The following COL24A1 variants were observed in gnomAD, a reference collection of about 807,000 sequenced individuals.
COL24A1 encodes the protein collagen type XXIV alpha 1 chain.
COL24A1 carries 224 observed loss-of-function variants against 253.9 expected under a neutral mutation model. The observed-to-expected ratio is 0.88, with a 90% CI of 0.79 to 0.99. COL24A1 has a LOEUF of 0.99. Ranked by LOEUF, COL24A1 falls within the 50% of genes least tolerant of loss-of-function variation. The pLI is 0.00. For synonymous variants in COL24A1, 685 were observed against 673.7 expected (o/e 1.02, Z -0.26); for missense variants, 2,131 against 2,068.5 (o/e 1.03, Z -0.59).
chr1:86,057,799 G>T, intron 10 of COL24A1, 132 bp downstream of exon 10: 2 of 688,670 alleles, frequency 2.9e-6, no homozygotes, highest in Non-Finnish European at 4.7e-6. Flanking sequence ...ACTGCAGTAA[G>T]CAAGTATATT....
intron 55 of COL24A1, among the ~76,000 whole-genome samples, chr1:85,754,558 A>G (rs957952292): frequency 2.7e-5 from 4 of 149,884 alleles, no homozygotes; most frequent in African/African-American, 9.8e-5. Context: ...ATTAAAAAAA[A>G]AAAAAAAGAA....
At chr1:86,142,548 C>CAAAAAAAAAAAAAAA (rs1232309975) in intron 2 of COL24A1, among the ~76,000 whole-genome samples, 1 of 145,056 alleles carries the variant, frequency 6.9e-6, no homozygotes, top group Non-Finnish European at 1.5e-5. Flanking sequence ...AAACAAAAAA[C>CAAAAAAAAAAAAAAA]AAAAAAAACA....
intron 12 of COL24A1, 98 bp from the exon 13 acceptor site, chr1:86,034,021 C>T (rs1391299033): frequency 3.0e-5 from 27 of 903,534 alleles, no homozygotes; most frequent in Non-Finnish European, 4.4e-5. Flanking sequence ...TATTAATTTC[C>T]TAACTCTTAA....
chr1:86,086,918 G>T (rs1387938849), intron 7 of COL24A1, among the ~76,000 whole-genome samples: 1 of 152,118 alleles, frequency 6.6e-6, no homozygotes, highest in African/African-American at 2.4e-5. Flanking sequence ...GAGACACTCT[G>T]AAAAGGGGGA....
intron 53 of COL24A1, among the ~76,000 whole-genome samples, chr1:85,765,446 T>G (rs760180266): frequency 5.5e-4 from 83 of 151,898 alleles, no homozygotes; most frequent in Non-Finnish European, 9.1e-4. Context: ...GACTCATGCC[T>G]GTAATTCTGG....
chr1:85,894,031 C>T (rs571956156), intron 31 of COL24A1, among the ~76,000 whole-genome samples: 244 of 152,302 alleles, frequency 1.6e-3, no homozygotes, highest in African/African-American at 5.1e-3. Flanking sequence ...TTCTAATATA[C>T]AGCACTGCCT....
chr1:86,105,942 C>T (rs1385578772), intron 5 of COL24A1, among the ~76,000 whole-genome samples: 2 of 152,198 alleles, frequency 1.3e-5, no homozygotes, highest in African/African-American at 4.8e-5. Flanking sequence ...GCTTCTGTGT[C>T]TTCCCTCTGT....
intron 43 of COL24A1, among the ~76,000 whole-genome samples, chr1:85,826,397 T>A (rs1275095248): frequency 7.3e-6 from 1 of 137,776 alleles, no homozygotes; most frequent in Non-Finnish European, 1.6e-5. Flanking sequence ...AGGATTGACT[T>A]GGCGATGCGG....
intron 23 of COL24A1, among the ~76,000 whole-genome samples, chr1:85,964,113 TAC>T (rs538627559): frequency 1.3e-5 from 2 of 152,252 alleles, no homozygotes; most frequent in South Asian, 4.1e-4. Flanking sequence ...ATAAAAATGA[TAC>T]ATTTAATACA....
intron 11 of COL24A1, among the ~76,000 whole-genome samples, chr1:86,047,281 C>A (rs1432392721): frequency 6.6e-6 from 1 of 152,180 alleles, no homozygotes; most frequent in African/African-American, 2.4e-5. Context: ...AACCTGTGCA[C>A]TGGCAATCTT....
rs1415492298 is a variant in COL24A1, at chr1:85,971,209, A to T, written c.2418+131T>A. The T allele has an allele frequency of 6.9e-6, 5 of 729,328 alleles. No individual in the cohort carries two copies. In the Admixed American group the frequency reaches 1.1e-4, roughly 16 times the overall value. The allele number at this position is 729,328 out of a possible 1,614,324, so 45.2% of individuals were successfully genotyped here. The stretch of plus-strand genomic sequence containing the variant: ...GGGCAAGAGACCAAGACTCTGTCTA[A>T]ATATATAAATAAAATGGTAACTGGA... On this transcript the variant is annotated intron_variant, in intron 21 of 59. Coordinates refer to ENST00000370571, the MANE Select transcript of COL24A1 (RefSeq NM_152890.7).
chr1:86,109,736 C>T (rs776644883), intron 5 of COL24A1, among the ~76,000 whole-genome samples: 18 of 152,194 alleles, frequency 1.2e-4, no homozygotes, highest in Non-Finnish European at 2.1e-4. Flanking sequence ...TTCCCCCAAC[C>T]TCTGTCATCA....
In COL24A1 at chr1:85,877,148, C is replaced by T; in HGVS notation, c.3004G>A (p.Gly1002Arg). The part of the protein sequence containing the change: ...PGLRGLQGDV[G>R]PPGEMGMEGP... ...TCCATGCCCATTTCTCCAGGAGGTC[C>T]AACATCACCTTGCAGTCCTCGCAGT... The change falls in exon 33 of 60, where the codon GGA becomes AGA. Residue 1002 changes from glycine to arginine, a missense_variant. Transcript: ENST00000370571. 6.2e-7 allele frequency: 1 copy of T among 1,606,044 alleles called. No individual in the cohort carries two copies.
chr1:85,945,000 GTGTTTTTTTTTTT>G (rs1477228239), intron 24 of COL24A1, among the ~76,000 whole-genome samples: 16 of 36,124 alleles, frequency 4.4e-4, no homozygotes, highest in African/African-American at 1.4e-3. Context: ...GTCTATCATT[GTGTTTTTTTTTTT>G]TTTTTTTTTT....
chr1:85,813,585 C>T (rs1672777489), intron 47 of COL24A1, among the ~76,000 whole-genome samples: 1 of 112,834 alleles, frequency 8.9e-6, no homozygotes, highest in South Asian at 3.4e-4. Flanking sequence ...GAGTCTCGCT[C>T]TGTCGCCCAG....
intron 7 of COL24A1, among the ~76,000 whole-genome samples, chr1:86,084,770 A>G (rs1702934770): frequency 6.6e-6 from 1 of 152,204 alleles, no homozygotes; most frequent in African/African-American, 2.4e-5. Context: ...CCCCAAAACT[A>G]CGCCACTTTG....
intron 24 of COL24A1, among the ~76,000 whole-genome samples, chr1:85,939,872 T>C (rs1019569810): frequency 1.3e-5 from 2 of 152,196 alleles, no homozygotes; most frequent in African/African-American, 2.4e-5. Context: ...TTACTGAACA[T>C]AGGATATATA....
rs1335753801 is a variant in COL24A1 at position 86,022,189 on chromosome 1, A to G, written c.2256+51T>C. The G allele has an allele frequency of 2.7e-6, 4 of 1,487,342 alleles. No homozygotes were observed. The South Asian group carries it at 4.5e-5, about 17-fold the overall frequency. The allele number at this position is 1,487,342 out of a possible 1,614,324, so 92.1% of individuals were successfully genotyped here. A position where few individuals can be genotyped will look rare whatever the true frequency, so the allele number is the denominator to read the frequency against. On this transcript the variant is annotated intron_variant, in intron 18 of 59. Transcript: ENST00000370571. ...GATCAACAGTGTCGAGACTCATGCC[A>G]TGACATGCACTCTGTCAATTACAAA...
At chr1:85,901,481 C>A (rs557502155) in intron 28 of COL24A1, among the ~76,000 whole-genome samples, 1 of 152,036 alleles carries the variant, frequency 6.6e-6, no homozygotes, top group African/African-American at 2.4e-5. Context: ...AATTCCATAG[C>A]CACTATGGAA....
Sources: allele counts gnomAD v4.1 joint callset (sites outside exome capture counted in the v4.1 genomes callset), GRCh38; gene constraint gnomAD v4.1.1; transcripts MANE v1.5; gene names NCBI Gene and HGNC (gene_info 2026-07-23, HGNC 2026-07-21).